The following NAALADL2 variants were observed in gnomAD, a reference collection of about 807,000 sequenced individuals.
The protein encoded by NAALADL2 is inactive N-acetylated-alpha-linked acidic dipeptidase-like protein 2.
NAALADL2 carries 76 observed loss-of-function variants against 87.2 expected under a neutral mutation model. The observed-to-expected ratio is 0.87, with a 90% CI of 0.72 to 1.05. The LOEUF is 1.05. NAALADL2 is among the 50% of genes least tolerant of loss of function. NAALADL2 has a pLI of 0.00. For missense variants in NAALADL2, 1,089 were observed against 945.8 expected (o/e 1.15, Z -1.99); for synonymous variants, 354 against 331.0 (o/e 1.07, Z -0.75).
chr3:175,616,389 T>C (rs559796251), intron 10 of NAALADL2, among the ~76,000 whole-genome samples: 9 of 151,756 alleles, frequency 5.9e-5, no homozygotes, highest in Non-Finnish European at 1.3e-4. Context: ...GTTTAAAAAA[T>C]CTACATATAT....
At chr3:174,664,710 T>G (rs1325865304) in intron 2 of NAALADL2, among the ~76,000 whole-genome samples, 1 of 152,208 alleles carries the variant, frequency 6.6e-6, no homozygotes, top group African/African-American at 2.4e-5. Flanking sequence ...CAAATGATAA[T>G]TCTGGTGGGT....
intron 2 of NAALADL2, among the ~76,000 whole-genome samples, chr3:174,629,297 C>A (rs1721886711): frequency 6.6e-6 from 1 of 152,068 alleles, no homozygotes; most frequent in African/African-American, 2.4e-5. Context: ...ATTTAGTTAC[C>A]ATGCCCTTAT....
intron 10 of NAALADL2, among the ~76,000 whole-genome samples, chr3:175,581,803 T>C (rs1719823587): frequency 6.6e-6 from 1 of 152,198 alleles, no homozygotes; most frequent in Non-Finnish European, 1.5e-5. Flanking sequence ...CTTAGAGGAA[T>C]GCTTATTTGA....
intron 9 of NAALADL2, among the ~76,000 whole-genome samples, chr3:175,495,092 A>ATATATATATTTT (rs754412056): frequency 5.9e-5 from 8 of 136,502 alleles, no homozygotes. Flanking sequence ...ATATATATAT[A>ATATATATATTTT]TTTTTTTTTA....
intron 3 of NAALADL2, among the ~76,000 whole-genome samples, chr3:174,847,748 C>A (rs796918820): frequency 1.5e-4 from 23 of 148,420 alleles, no homozygotes; most frequent in African/African-American, 5.2e-4. Flanking sequence ...TAGGTGGGAA[C>A]TAGGTTAGCT....
intron 4 of NAALADL2, among the ~76,000 whole-genome samples, chr3:175,302,492 C>G (rs1757204960): frequency 6.6e-6 from 1 of 152,062 alleles, no homozygotes; most frequent in Non-Finnish European, 1.5e-5. Flanking sequence ...TTAATATATG[C>G]TTTCTTCGAG....
chr3:174,853,744 A>C (rs960890702), intron 3 of NAALADL2, among the ~76,000 whole-genome samples: 1 of 152,230 alleles, frequency 6.6e-6, no homozygotes, highest in African/African-American at 2.4e-5. Context: ...CTTGCAAAAG[A>C]AGATATAAAA....
intron 2 of NAALADL2, among the ~76,000 whole-genome samples, chr3:174,572,793 T>C (rs1715084797): frequency 6.6e-6 from 1 of 152,208 alleles, no homozygotes; most frequent in South Asian, 2.1e-4. Flanking sequence ...TCTTTAATAG[T>C]GCAAGTCCAT....
At chr3:174,979,866 A>G (rs985181262) in intron 1 of NAALADL2, among the ~76,000 whole-genome samples, 4 of 152,134 alleles carry the variant, frequency 2.6e-5, no homozygotes, top group African/African-American at 7.2e-5. Flanking sequence ...TTGATTTTCA[A>G]CCATATCGAT....
At chr3:175,264,596 A>G (rs1024354446) in intron 4 of NAALADL2, among the ~76,000 whole-genome samples, 2 of 151,800 alleles carry the variant, frequency 1.3e-5, no homozygotes, top group Non-Finnish European at 3.0e-5. Flanking sequence ...AACAGAAAAA[A>G]AACTGAAGTC....
chr3:175,754,029 C>G (rs185059954), intron 12 of NAALADL2, among the ~76,000 whole-genome samples: 6 of 152,194 alleles, frequency 3.9e-5, no homozygotes, highest in Admixed American at 3.9e-4. Flanking sequence ...TCACTTAAAG[C>G]CTGATTCTAA....
intron 3 of NAALADL2, among the ~76,000 whole-genome samples, chr3:174,773,718 G>A (rs992794031): frequency 5.9e-5 from 9 of 152,060 alleles, no homozygotes; most frequent in East Asian, 3.9e-4. Flanking sequence ...CTTATTTTGC[G>A]TTTTAGAGTA....
chr3:175,081,532 T>G (rs1203797074), intron 1 of NAALADL2, among the ~76,000 whole-genome samples: 1 of 152,182 alleles, frequency 6.6e-6, no homozygotes, highest in Non-Finnish European at 1.5e-5. Flanking sequence ...AAGACCCCCT[T>G]CTTATCCTAC....
At chr3:175,579,479 C>T (rs1409141367) in intron 10 of NAALADL2, among the ~76,000 whole-genome samples, 1 of 152,138 alleles carries the variant, frequency 6.6e-6, no homozygotes, top group African/African-American at 2.4e-5. Context: ...CTTAAAACAC[C>T]TTTGATCTTT....
intron 1 of NAALADL2, among the ~76,000 whole-genome samples, chr3:175,061,818 C>G (rs1374858368): frequency 6.6e-6 from 1 of 150,798 alleles, no homozygotes; most frequent in African/African-American, 2.4e-5. Context: ...GTAATTTTGC[C>G]TGTATTAGCC....
At chr3:174,881,655 T>C (rs1729212672) in intron 1 of NAALADL2, among the ~76,000 whole-genome samples, 1 of 152,172 alleles carries the variant, frequency 6.6e-6, no homozygotes, top group Non-Finnish European at 1.5e-5. Flanking sequence ...TTGTACTCCA[T>C]GCGGGCAGCA....
chr3:175,494,146 G>A (rs534805967), intron 9 of NAALADL2, among the ~76,000 whole-genome samples: 106 of 151,960 alleles, frequency 7.0e-4, no homozygotes, highest in African/African-American at 2.5e-3. Flanking sequence ...TTATTTATAT[G>A]TATATTTTGC....
In NAALADL2 at chr3:174,468,441, C is replaced by A. The variant is rs1716675074; in HGVS notation, c.-184+27409C>A. On this transcript the variant is annotated intron_variant, in intron 1 of 3. Transcript: ENST00000434257. ...TCTTGCCCAGGCTGGAGTGCAGTGG[C>A]AAGATCTTGGCTCAGTGGAACCTCT... is the stretch of plus-strand genomic sequence containing the variant. Among the ~76,000 whole-genome samples, 3 of 143,378 alleles carry A rather than the reference C, an allele frequency of 2.1e-5. No homozygotes were observed. The South Asian group carries it at 6.7e-4, about 32-fold the overall frequency. 94.1% of individuals were successfully genotyped at this position (143,378 alleles called of 152,430 possible).
chr3:174,485,772 G>A (rs11718129), intron 1 of NAALADL2, among the ~76,000 whole-genome samples: 40,836 of 151,834 alleles, frequency 0.27, 5,949 homozygotes, highest in South Asian at 0.45. Flanking sequence ...GCATGCATGT[G>A]TTCATGAAAT....
Sources: allele counts gnomAD v4.1 joint callset (sites outside exome capture counted in the v4.1 genomes callset), GRCh38; gene constraint gnomAD v4.1.1; transcripts MANE v1.5; gene names NCBI Gene and HGNC (gene_info 2026-07-23, HGNC 2026-07-21).